XKR6: variants seen among roughly 807,000 people sequenced by gnomAD.
XKR6 encodes the protein XK-related protein 6.
In XKR6, 22 loss-of-function variants were observed where a neutral mutation model predicts 56.7. The observed-to-expected ratio is 0.39, with a 90% CI of 0.28 to 0.55. The LOEUF is 0.55. Among genes scored for constraint, XKR6 ranks in the 20% least tolerant of loss-of-function variants. XKR6 has a pLI of 0.66. For missense variants in XKR6, 852 were observed against 889.0 expected, an observed-to-expected ratio of 0.96 and a Z score of 0.53; for synonymous variants, 524 against 387.8, an observed-to-expected ratio of 1.35 and a Z score of -4.13.
chr8:10,996,220 AT>A (rs1383389380), intron 1 of XKR6, among the ~76,000 whole-genome samples: 1 of 152,138 alleles, frequency 6.6e-6, no homozygotes, highest in Admixed American at 6.5e-5. Context: ...ACCCACTGTG[AT>A]TTTTTTACTT....
chr8:11,181,305 T>C (rs1041692139), intron 1 of XKR6, among the ~76,000 whole-genome samples: 2 of 152,256 alleles, frequency 1.3e-5, no homozygotes, highest in African/African-American at 4.8e-5. Context: ...TAAAAACTTA[T>C]ATAAGCATTT....
At chr8:11,104,687 G>T (rs1333662958) in intron 1 of XKR6, 1 of 152,172 alleles carries the variant, frequency 6.6e-6, no homozygotes, top group Non-Finnish European at 1.5e-5. Context: ...TATAACCATT[G>T]CATCAATTTT....
intron 1 of XKR6, among the ~76,000 whole-genome samples, chr8:10,929,835 T>A (rs567404639): frequency 1.6e-4 from 24 of 152,212 alleles, no homozygotes; most frequent in Admixed American, 1.4e-3. Context: ...TGAGGTGCCC[T>A]GTTCCTGTGT....
In XKR6 at chr8:10,898,376, G is replaced by A. The variant is rs1308717470; in HGVS notation, c.1502C>T (p.Thr501Ile). The change falls in exon 3 of 3, where the codon ACA becomes ATA. Residue 501 changes from threonine to isoleucine, a missense_variant. Physicochemically the swap from Thr to Ile is moderately conservative, Grantham distance 89. Transcript: ENST00000416569. This position sits in a 1 kb window ranked among gnomAD's most constrained non-coding sequence, Gnocchi z 6.6. ...GGCAAGGATCTTAGCTCGTGGTCCT[G>A]TGGGATGCAGCACGCCATAGTATAA... The part of the protein sequence containing the change: ...MLLYYGVLHP[T>I]GPRAKILASS... 1 of 1,614,092 alleles carries A rather than the reference G, an allele frequency of 6.2e-7. No homozygotes were observed. The highest frequency in any genetic ancestry group is 2.2e-5 in the East Asian group (1 of 44,856).
At chr8:11,085,104 G>A (rs1358622119) in intron 1 of XKR6, among the ~76,000 whole-genome samples, 1 of 151,856 alleles carries the variant, frequency 6.6e-6, no homozygotes, top group Non-Finnish European at 1.5e-5. Flanking sequence ...TCCTTCCAGG[G>A]TCTCCTCTGC....
At chr8:11,118,969 C>T (rs1563150073) in intron 1 of XKR6, among the ~76,000 whole-genome samples, 1 of 152,086 alleles carries the variant, frequency 6.6e-6, no homozygotes, top group Non-Finnish European at 1.5e-5. Context: ...TCACTCTATA[C>T]ACTGCTTTGA....
At chr8:11,172,939 T>G (rs1802452220) in intron 1 of XKR6, among the ~76,000 whole-genome samples, 1 of 152,198 alleles carries the variant, frequency 6.6e-6, no homozygotes, top group Non-Finnish European at 1.5e-5. Context: ...AAGTTATACA[T>G]TCAATCAATT....
chr8:10,976,977 C>G (rs1002238723), intron 1 of XKR6, among the ~76,000 whole-genome samples: 6 of 152,128 alleles, frequency 3.9e-5, no homozygotes, highest in African/African-American at 1.4e-4. Flanking sequence ...GTCGTCTTCC[C>G]CAGCCCATCC....
chr8:11,141,467 A>G (rs925876035), intron 1 of XKR6, among the ~76,000 whole-genome samples: 1 of 152,220 alleles, frequency 6.6e-6, no homozygotes, highest in African/African-American at 2.4e-5. Context: ...CTCAGTGTAG[A>G]AAAAAGAAAA....
intron 1 of XKR6, among the ~76,000 whole-genome samples, chr8:10,961,059 G>T (rs1011559851): frequency 2.6e-5 from 4 of 152,098 alleles, no homozygotes; most frequent in Non-Finnish European, 5.9e-5. Flanking sequence ...CGGGTGCTGG[G>T]GTACAAAAGG....
chr8:11,114,773 G>GTGTGTGTGTATA (rs34746866), intron 1 of XKR6, among the ~76,000 whole-genome samples: 2,560 of 146,530 alleles, frequency 0.017, 41 homozygotes, highest in Non-Finnish European at 0.025. Flanking sequence ...GTGTGTGTGT[G>GTGTGTGTGTATA]TATGTGCCAG....
intron 1 of XKR6, among the ~76,000 whole-genome samples, chr8:10,995,877 G>A (rs1798101486): frequency 6.6e-6 from 1 of 152,162 alleles, no homozygotes; most frequent in Non-Finnish European, 1.5e-5. Context: ...GACCATCATG[G>A]TGAGATGAGG....
intron 1 of XKR6, among the ~76,000 whole-genome samples, chr8:10,926,664 C>T (rs903347173): frequency 1.3e-5 from 2 of 152,242 alleles, no homozygotes; most frequent in Admixed American, 1.3e-4. Flanking sequence ...GCCCACCTTG[C>T]GGGTCAGGTC....
At chr8:11,100,265 G>T (rs1437554241) in intron 1 of XKR6, among the ~76,000 whole-genome samples, 1 of 152,078 alleles carries the variant, frequency 6.6e-6, no homozygotes, top group East Asian at 1.9e-4. Flanking sequence ...CGTTGCCCAG[G>T]CTGGTCTCGA....
intron 1 of XKR6, among the ~76,000 whole-genome samples, chr8:11,035,996 T>G (rs903098189): frequency 6.5e-5 from 9 of 139,088 alleles, no homozygotes; most frequent in African/African-American, 1.7e-4. Flanking sequence ...TAGGCAGGAG[T>G]GCAGTGGTGC....
At chr8:10,977,462 C>G (rs976002378) in intron 1 of XKR6, among the ~76,000 whole-genome samples, 1 of 151,644 alleles carries the variant, frequency 6.6e-6, no homozygotes, top group South Asian at 2.1e-4. Flanking sequence ...GGCAGTAAGT[C>G]CCCCGCCACT....
At chr8:11,054,124 C>T (rs1324554752) in intron 1 of XKR6, among the ~76,000 whole-genome samples, 2 of 152,182 alleles carry the variant, frequency 1.3e-5, no homozygotes, top group Non-Finnish European at 2.9e-5. Flanking sequence ...CATGCACTGT[C>T]ATGGTTGCTG....
At chr8:10,949,242 G>C (rs772594443) in intron 1 of XKR6, among the ~76,000 whole-genome samples, 1 of 152,230 alleles carries the variant, frequency 6.6e-6, no homozygotes, top group Non-Finnish European at 1.5e-5. Context: ...CGGAACAACC[G>C]TTTCTAAGTC....
chr8:10,964,044 C>T (rs1802140896), intron 1 of XKR6, among the ~76,000 whole-genome samples: 1 of 152,196 alleles, frequency 6.6e-6, no homozygotes, highest in South Asian at 2.1e-4. Context: ...AGCCTCTCAG[C>T]CCTGGGCCAC....
Sources: gnomAD v4.1 joint callset for allele counts (sites outside exome capture counted in the v4.1 genomes callset) on GRCh38, gnomAD v4.1.1 for gene constraint, Gnocchi (gnomAD v3.1) non-coding constraint, MANE v1.5 for transcripts, NCBI Gene and HGNC (gene_info 2026-07-23, HGNC 2026-07-21) for gene names.